Variants in ZNF541 observed in about 807,000 individuals in gnomAD.
ZNF541 encodes the protein zinc finger protein 541.
ZNF541 carries 23 observed loss-of-function variants against 123.5 expected under a neutral mutation model. The ratio of observed to expected loss-of-function variants is 0.19; its 90% confidence interval spans 0.13 to 0.26. ZNF541 has a LOEUF of 0.26. Among genes scored for constraint, ZNF541 ranks in the 10% least tolerant of loss-of-function variants. The pLI, the probability that ZNF541 is intolerant of heterozygous loss-of-function variation, is 1.00. For synonymous variants in ZNF541, 751 were observed against 754.5 expected (o/e 1.00, Z 0.08); for missense variants, 1,612 against 1,789.9 (o/e 0.90, Z 1.79).
At chr19:47,564,947 T>C (rs1389297793) in intron 2 of ZNF541, among the ~76,000 whole-genome samples, 2 of 151,976 alleles carry the variant, frequency 1.3e-5, no homozygotes, top group Non-Finnish European at 2.9e-5. Flanking sequence ...TAAAGAAATA[T>C]ATATATGATG....
chr19:47,533,570 G>C (rs1268523103), intron 9 of ZNF541, among the ~76,000 whole-genome samples: 10 of 150,794 alleles, frequency 6.6e-5, no homozygotes, highest in Admixed American at 6.0e-4. Context: ...AGGCCGGGTG[G>C]GGTGGCTCAC....
intron 4 of ZNF541, among the ~76,000 whole-genome samples, chr19:47,546,323 C>T (rs2123170255): frequency 6.6e-6 from 1 of 151,582 alleles, no homozygotes; most frequent in South Asian, 2.1e-4. Context: ...GCCTGGCCAA[C>T]ATGGTAAAAC....
intron 2 of ZNF541, among the ~76,000 whole-genome samples, chr19:47,564,637 T>C (rs1971192795): frequency 6.6e-6 from 1 of 152,088 alleles, no homozygotes; most frequent in Non-Finnish European, 1.5e-5. Context: ...AGAATGGCCG[T>C]AATCAAAAAA....
rs10409379 is a variant in ZNF541, at chr19:47,569,406, C to A, written c.-99+2490G>T. 7.8e-3 allele frequency among the ~76,000 whole-genome samples: 1,181 copies of A among 152,146 alleles called. 13 individuals carry two copies. The highest frequency in any genetic ancestry group is 0.027 in the African/African-American group (1,108 of 41,484). On this transcript the variant is annotated intron_variant, in intron 2 of 16. Transcript: ENST00000391901. ...CTATTTCACCAATGAGGTAAATAGT[C>A]CAGAGAAGTTGAGTAACTTGCCCAA...
chr19:47,539,048 G>A (rs1040028033), intron 8 of ZNF541, among the ~76,000 whole-genome samples: 2 of 152,120 alleles, frequency 1.3e-5, no homozygotes, highest in Admixed American at 6.6e-5. Flanking sequence ...TCCTCAGGCT[G>A]GGTCAGGAGC....
In ZNF541 at chr19:47,521,037, A is replaced by G; in HGVS notation, c.*187T>C. ...TCCAGCACCACCGGACAGGGACTGC[A>G]TAGCTGTCCGACAACTGAGCTCCTC... On this transcript the variant is annotated 3_prime_UTR_variant, in exon 17 of 17. Coordinates refer to ENST00000391901, the MANE Select transcript of ZNF541 (RefSeq NM_001277075.3). This position sits in a 1 kb window ranked among gnomAD's most constrained non-coding sequence, Gnocchi z 4.2. 8 of 657,628 alleles carry G rather than the reference A, an allele frequency of 1.2e-5. No individual in the cohort carries two copies. Among genetic ancestry groups the G allele is most frequent in the Non-Finnish European group, 1.8e-5 (7 of 390,844 alleles). The allele number at this position is 657,628 out of a possible 1,614,324, so 40.7% of individuals were successfully genotyped here. A position where few individuals can be genotyped will look rare whatever the true frequency, so the allele number is the denominator to read the frequency against.
At position 47,526,496 on chromosome 19, in the gene ZNF541, A is replaced by AAAAG. The variant is rs1555766747; in HGVS notation, c.3570+2453_3570+2454insCTTT. Among the ~76,000 whole-genome samples the AAAAG allele has an allele frequency of 1.0e-3, 140 of 137,372 alleles. 6 individuals carry two copies. Among genetic ancestry groups the AAAAG allele is most frequent in the Middle Eastern group, 3.6e-3 (1 of 276 alleles). The allele number at this position is 137,372 out of a possible 152,430, so 90.1% of individuals were successfully genotyped here. A position where few individuals can be genotyped will look rare whatever the true frequency, so the allele number is the denominator to read the frequency against. ...GACTCCATCTCAAAAAAAAAAAAAA[A>AAAAG]AAAAGAAAACACAGACATCTCAATA... On this transcript the variant is annotated intron_variant, in intron 14 of 16. Coordinates refer to ENST00000391901, the MANE Select transcript of ZNF541 (RefSeq NM_001277075.3).
At chr19:47,540,112 G>A in intron 7 of ZNF541, 64 bp downstream of exon 7, 2 of 1,501,524 alleles carry the variant, frequency 1.3e-6, no homozygotes, top group East Asian at 2.5e-5. Flanking sequence ...CACCAATCTC[G>A]TTTACTCCCC....
intron 2 of ZNF541, among the ~76,000 whole-genome samples, chr19:47,563,935 C>T: frequency 6.6e-6 from 1 of 152,150 alleles, no homozygotes; most frequent in East Asian, 1.9e-4. Context: ...GCACTTTCTC[C>T]ACATCGGGTA....
At chr19:47,571,543 G>A (rs1473821788) in intron 2 of ZNF541, among the ~76,000 whole-genome samples, 1 of 152,192 alleles carries the variant, frequency 6.6e-6, no homozygotes, top group East Asian at 1.9e-4. Flanking sequence ...TCCACTGCCT[G>A]GCATCACTTA....
intron 6 of ZNF541, among the ~76,000 whole-genome samples, 175 bp downstream of exon 6, chr19:47,540,718 G>C (rs959679056): frequency 5.3e-5 from 8 of 152,178 alleles, no homozygotes; most frequent in African/African-American, 1.9e-4. Context: ...GGGATTACAG[G>C]CGTGAGCCAC....
At chr19:47,541,352 G>T (rs1970072547) in intron 5 of ZNF541, among the ~76,000 whole-genome samples, 1 of 152,130 alleles carries the variant, frequency 6.6e-6, no homozygotes, top group African/African-American at 2.4e-5. Context: ...AGGAGTTCAA[G>T]GTTGCAGTGA....
Position 47,540,934 on chromosome 19 carries a change from C to A in ZNF541, c.2421G>T (p.Arg807Ser), listed in dbSNP as rs1489851526. ...FSRIQGGNIY[R>S]LPHPVKEENV... The stretch of plus-strand genomic sequence containing the variant: ...TCTCTTCCTTCACCGGATGGGGGAG[C>A]CTGTAGATGTTTCCACCCTGAAGAT... Residue 807 changes from arginine to serine, a missense_variant, in exon 6 of 17, where the codon AGG (arginine) becomes AGT (serine). By Grantham distance (110) the Arg-to-Ser change is moderately radical (BLOSUM62 -1). Coordinates refer to ENST00000391901, the MANE Select transcript of ZNF541 (RefSeq NM_001277075.3). 1.3e-6 allele frequency: 2 copies of A among 1,550,820 alleles called. No homozygotes were observed. The highest frequency in any genetic ancestry group is 1.7e-6 in the Non-Finnish European group (2 of 1,146,774).
Position 47,548,232 on chromosome 19 carries a change from C to T in ZNF541, c.548+1013G>A, listed in dbSNP as rs1970441833. ...GGCTGAGGCAGGTGGATCACAAGGT[C>T]AGGAGTTTGAGACCAGCCTGGCCAA... On this transcript the variant is annotated intron_variant, in intron 4 of 16. Coordinates refer to ENST00000391901, the MANE Select transcript of ZNF541 (RefSeq NM_001277075.3). Among the ~76,000 whole-genome samples, 5 of 151,298 alleles carry T rather than the reference C, an allele frequency of 3.3e-5. No homozygotes were observed. In the South Asian group the frequency reaches 1.0e-3, roughly 32 times the overall value.
At position 47,570,225 on chromosome 19, in the gene ZNF541, G is replaced by T. The variant is rs1568528481; in HGVS notation, c.-99+1671C>A. 2.6e-5 allele frequency among the ~76,000 whole-genome samples: 4 copies of T among 151,260 alleles called. No individual in the cohort carries two copies. In the South Asian group the frequency reaches 8.3e-4, roughly 32 times the overall value. On this transcript the variant is annotated intron_variant, in intron 2 of 16. Transcript: ENST00000391901. ...GGAGGTAGAGCTTGCAGCAAGCCGA[G>T]ATCACTCCACTGCACTCCAGCCTGG...
At chr19:47,552,113 C>A (rs1164706746) in intron 3 of ZNF541, among the ~76,000 whole-genome samples, 1 of 152,200 alleles carries the variant, frequency 6.6e-6, no homozygotes, top group African/African-American at 2.4e-5. Context: ...CCACCTCAGC[C>A]TCCCAAAGTG....
intron 9 of ZNF541, among the ~76,000 whole-genome samples, chr19:47,536,341 G>A (rs545231640): frequency 1.2e-4 from 18 of 152,278 alleles, no homozygotes; most frequent in African/African-American, 1.7e-4. Context: ...CAGTTCAAGC[G>A]ATTCTCCTGC....
chr19:47,539,821 T>C lies in ZNF541; in HGVS notation c.2680A>G (p.Arg894Gly). ...TTCTTGGTTCCTGGGGGACTATGCC[T>C]GTCCCCTTCTGGCCTCAGCACCTGT... ...LRQVLRPEGD[R>G]HSPPGTKKPL... is the part of the protein sequence containing the mutation. The change falls in exon 8 of 17, where the codon AGG (arginine) becomes GGG (glycine). Residue 894 changes from arginine (R) to glycine (G), a missense_variant. Around this residue, in one of 5 missense-constraint regions of ZNF541, gnomAD observed 1,080 missense variants for 1,013.8 expected, o/e 1.07. Transcript: ENST00000391901. 6.7e-7 allele frequency: 1 copy of C among 1,500,810 alleles called. No homozygotes were observed. The highest frequency in any genetic ancestry group is 8.8e-7 in the Non-Finnish European group (1 of 1,132,248). The allele number at this position is 1,500,810 out of a possible 1,614,324, so 93.0% of individuals were successfully genotyped here. A position where few individuals can be genotyped will look rare whatever the true frequency, so the allele number is the denominator to read the frequency against.
chr19:47,532,391 CTG>C (rs1311976997), intron 10 of ZNF541, 121 bp from the exon 11 acceptor site: 35 of 1,164,434 alleles, frequency 3.0e-5, no homozygotes, highest in Non-Finnish European at 4.0e-5. Context: ...AAACCCTCTG[CTG>C]TCTCAGGTGC....
Sources: gnomAD v4.1 joint callset for allele counts (sites outside exome capture counted in the v4.1 genomes callset) on GRCh38, gnomAD v4.1.1 for gene constraint, gnomAD v4.1.1 regional missense constraint, Gnocchi (gnomAD v3.1) non-coding constraint, MANE v1.5 for transcripts, NCBI Gene and HGNC (gene_info 2026-07-23, HGNC 2026-07-21) for gene names.